Variants in NPAS3 observed in about 807,000 individuals in gnomAD.
The protein encoded by NPAS3 is neuronal PAS domain-containing protein 3.
In NPAS3, 14 loss-of-function variants were observed where a neutral mutation model predicts 73.1. The observed-to-expected ratio is 0.19, with a 90% CI of 0.13 to 0.30. NPAS3 has a LOEUF of 0.30. NPAS3 is among the 10% of genes least tolerant of loss of function. NPAS3 has a pLI of 1.00. For synonymous variants in NPAS3, 620 were observed against 541.5 expected, an observed-to-expected ratio of 1.14 and a Z score of -2.01; for missense variants, 1,096 against 1,250.0, an observed-to-expected ratio of 0.88 and a Z score of 1.86.
chr14:33,315,229 T>C lies in NPAS3; in HGVS notation c.386-51957T>C, dbSNP rs1258975154. Among the ~76,000 whole-genome samples, 7 of 152,072 alleles carry C rather than the reference T, an allele frequency of 4.6e-5. No individual in the cohort carries two copies. In the East Asian group the frequency reaches 1.4e-3, roughly 29 times the overall value. Reference sequence around the variant, plus strand: ...AGCAAACAAATGTTTATCTGGAATTTATGGGAAATATTAAGTATTTTTAAG... The same window carrying C: ...AGCAAACAAATGTTTATCTGGAATTCATGGGAAATATTAAGTATTTTTAAG... On this transcript the variant is annotated intron_variant, in intron 3 of 11. Coordinates refer to ENST00000356141, the Ensembl canonical transcript of NPAS3.
At chr14:33,648,084 C>T (rs1393629739) in intron 5 of NPAS3, among the ~76,000 whole-genome samples, 1 of 152,150 alleles carries the variant, frequency 6.6e-6, no homozygotes, top group African/African-American at 2.4e-5. Context: ...CCCCAGGTTA[C>T]AAGAAAGGCT....
intron 4 of NPAS3, among the ~76,000 whole-genome samples, chr14:33,399,089 G>A (rs896917549): frequency 6.6e-6 from 1 of 152,024 alleles, no homozygotes. Flanking sequence ...TGAACCCAAA[G>A]GACACACCAT....
At chr14:33,084,901 G>A (rs970459583) in intron 2 of NPAS3, among the ~76,000 whole-genome samples, 6 of 152,152 alleles carry the variant, frequency 3.9e-5, no homozygotes, top group African/African-American at 7.2e-5. Flanking sequence ...TGTGAGTAAA[G>A]CAAAACATTT....
chr14:33,176,204 A>G (rs888558239), intron 2 of NPAS3, among the ~76,000 whole-genome samples: 5 of 152,212 alleles, frequency 3.3e-5, no homozygotes, highest in African/African-American at 4.8e-5. Context: ...TTCAAAAAAT[A>G]ATTTTTATTG....
At chr14:33,654,188 TTC>T (rs961123566) in intron 5 of NPAS3, among the ~76,000 whole-genome samples, 6 of 151,544 alleles carry the variant, frequency 4.0e-5, no homozygotes, top group African/African-American at 1.4e-4. Flanking sequence ...ATTTTTTTTT[TTC>T]AAAAGAAAAT....
chr14:33,635,379 T>A (rs2058486415), intron 5 of NPAS3, among the ~76,000 whole-genome samples: 1 of 152,180 alleles, frequency 6.6e-6, no homozygotes, highest in South Asian at 2.1e-4. Flanking sequence ...TAGATTGCTT[T>A]TTCCAAAAGC....
rs113773956 is a variant in NPAS3 at position 33,099,347 on chromosome 14, G to A, written c.140+43353G>A. Among the ~76,000 whole-genome samples the A allele has an allele frequency of 1.6e-4, 24 of 152,260 alleles. 1 individual carries two copies. Among genetic ancestry groups the A allele is most frequent in the African/African-American group, 4.1e-4 (17 of 41,552 alleles). ...CTTAATACTATGGTACCATCTTTGC[G>A]TATTCATACATACATACAAAATTCT... On this transcript the variant is annotated intron_variant, in intron 2 of 11. Coordinates refer to ENST00000356141, the Ensembl canonical transcript of NPAS3.
intron 1 of NPAS3, among the ~76,000 whole-genome samples, chr14:32,993,288 T>C (rs2038412750): frequency 6.6e-6 from 1 of 151,942 alleles, no homozygotes; most frequent in African/African-American, 2.4e-5. Context: ...AATATGTAGG[T>C]TTGGGACTGA....
At chr14:33,571,855 A>G (rs887918127) in intron 5 of NPAS3, among the ~76,000 whole-genome samples, 1 of 152,234 alleles carries the variant, frequency 6.6e-6, no homozygotes, top group African/African-American at 2.4e-5. Flanking sequence ...GGTAATAGCA[A>G]TTATACAAAA....
intron 7 of NPAS3, among the ~76,000 whole-genome samples, chr14:33,766,542 C>T (rs773368351): frequency 3.9e-5 from 6 of 152,216 alleles, no homozygotes; most frequent in Admixed American, 6.5e-5. Context: ...TTCACCTGCT[C>T]TCTTATCCAT....
At chr14:33,543,103 T>A (rs139867315) in intron 4 of NPAS3, among the ~76,000 whole-genome samples, 1 of 152,320 alleles carries the variant, frequency 6.6e-6, no homozygotes, top group East Asian at 1.9e-4. Context: ...CGCATGCTGA[T>A]GAAAAGAGAA....
At chr14:33,563,423 T>G (rs1274561855) in intron 5 of NPAS3, among the ~76,000 whole-genome samples, 2 of 151,952 alleles carry the variant, frequency 1.3e-5, no homozygotes, top group African/African-American at 4.8e-5. Flanking sequence ...CTCTTTAAAG[T>G]ATTCTCATCT....
chr14:33,439,776 T>TG (rs1167184181), intron 4 of NPAS3, among the ~76,000 whole-genome samples: 3 of 151,956 alleles, frequency 2.0e-5, no homozygotes, highest in Non-Finnish European at 4.4e-5. Context: ...CCAACCTGAG[T>TG]GAAAAATTTC....
chr14:33,714,866 A>T (rs989122582), intron 6 of NPAS3, among the ~76,000 whole-genome samples: 4 of 152,216 alleles, frequency 2.6e-5, no homozygotes, highest in African/African-American at 9.6e-5. Flanking sequence ...AGATTCAATG[A>T]CATCTCACTT....
chr14:33,130,384 G>C (rs532544822), intron 2 of NPAS3, among the ~76,000 whole-genome samples: 11 of 152,122 alleles, frequency 7.2e-5, no homozygotes, highest in African/African-American at 2.7e-4. Context: ...TTGAGAAAGC[G>C]AATGAAGGTG....
intron 4 of NPAS3, among the ~76,000 whole-genome samples, chr14:33,530,846 T>C (rs1368873798): frequency 6.6e-6 from 1 of 152,120 alleles, no homozygotes; most frequent in African/African-American, 2.4e-5. Flanking sequence ...TCGAAGGCTC[T>C]GGCAACCAGC....
chr14:33,783,508 G>C (rs1025182916), intron 9 of NPAS3, among the ~76,000 whole-genome samples: 3 of 146,444 alleles, frequency 2.0e-5, no homozygotes, highest in African/African-American at 7.6e-5. Context: ...GCCATTAACC[G>C]AAAAAACCGT....
rs1266886291 is a variant in NPAS3, at chr14:33,566,722, A to G, written c.558+6512A>G. On this transcript the variant is annotated intron_variant, in intron 5 of 11. Coordinates refer to ENST00000356141, the Ensembl canonical transcript of NPAS3. ...CAGTTTCTTTCTTCTCTGTAGTTGC[A>G]GGGTGTTTTATTTTCCTCCCTCCCC... Among the ~76,000 whole-genome samples the G allele has an allele frequency of 4.6e-5, 7 of 152,280 alleles. No homozygotes were observed. The East Asian group carries it at 1.2e-3, about 25-fold the overall frequency.
intron 6 of NPAS3, among the ~76,000 whole-genome samples, chr14:33,727,512 C>T (rs942836112): frequency 2.0e-5 from 3 of 151,744 alleles, no homozygotes; most frequent in African/African-American, 7.3e-5. Flanking sequence ...CATGGGGTTT[C>T]GAGCTGCCTT....
Sources: gnomAD v4.1 joint callset for allele counts (sites outside exome capture counted in the v4.1 genomes callset) on GRCh38, gnomAD v4.1.1 for gene constraint, MANE v1.5 for transcripts, NCBI Gene and HGNC (gene_info 2026-07-23, HGNC 2026-07-21) for gene names.